Variants in DSCAM observed in about 807,000 individuals in gnomAD.
DSCAM encodes cell adhesion molecule DSCAM.
Under a neutral mutation model 217.7 loss-of-function variants are expected in DSCAM, and 47 were observed. That is an observed-to-expected ratio of 0.22 (90% CI 0.17 to 0.28). The LOEUF is 0.28. Among genes scored for constraint, DSCAM ranks in the 10% least tolerant of loss-of-function variants. The pLI, the probability that DSCAM is intolerant of heterozygous loss-of-function variation, is 1.00. For missense variants in DSCAM, 2,080 were observed against 2,618.3 expected, an observed-to-expected ratio of 0.79 and a Z score of 4.49; for synonymous variants, 1,056 against 1,015.3, an observed-to-expected ratio of 1.04 and a Z score of -0.76.
At chr21:40,576,327 C>T (rs2076850219) in intron 3 of DSCAM, among the ~76,000 whole-genome samples, 1 of 152,228 alleles carries the variant, frequency 6.6e-6, no homozygotes, top group Non-Finnish European at 1.5e-5. Context: ...ATACATACCA[C>T]TTGCTTCTAT....
At chr21:40,290,885 G>A (rs2073883615) in intron 10 of DSCAM, among the ~76,000 whole-genome samples, 2 of 152,210 alleles carry the variant, frequency 1.3e-5, no homozygotes, top group South Asian at 4.1e-4. Flanking sequence ...ACTGGCAATT[G>A]CAAAAGTTGG....
chr21:40,055,681 C>G (rs1023545206), intron 29 of DSCAM, 44 bp downstream of exon 29: 3 of 1,480,538 alleles, frequency 2.0e-6, no homozygotes, highest in Non-Finnish European at 2.8e-6. Flanking sequence ...GAAGGCATGG[C>G]TGTGGCAGCC....
At chr21:40,354,993 T>C (rs1489726309) in intron 4 of DSCAM, among the ~76,000 whole-genome samples, 5 of 152,172 alleles carry the variant, frequency 3.3e-5, no homozygotes, top group African/African-American at 1.2e-4. Context: ...TATGTTTTGA[T>C]CCCTCAGTGT....
chr21:40,674,067 T>C (rs903874658), intron 3 of DSCAM, among the ~76,000 whole-genome samples: 3 of 152,222 alleles, frequency 2.0e-5, no homozygotes, highest in Non-Finnish European at 4.4e-5. Flanking sequence ...TGGGTTGCTA[T>C]TGCTTAATGT....
At chr21:40,816,363 G>A (rs189382298) in intron 1 of DSCAM, among the ~76,000 whole-genome samples, 21 of 152,212 alleles carry the variant, frequency 1.4e-4, no homozygotes, top group Admixed American at 1.3e-3. Context: ...GGCTGATCAC[G>A]AGGTCAGGAG....
At position 40,620,434 on chromosome 21, in the gene DSCAM, G is replaced by A. The variant is rs2089495020; in HGVS notation, c.508+72376C>T. Among the ~76,000 whole-genome samples the A allele has an allele frequency of 3.7e-5, 5 of 135,448 alleles. No individual in the cohort carries two copies. The South Asian group carries it at 1.1e-3, about 30-fold the overall frequency. The allele number at this position is 135,448 out of a possible 152,430, so 88.9% of individuals were successfully genotyped here. ...GAGGGAGGGAGAGAAGAGGGAGGGG[G>A]AAGGGAGGGAAAGGAAAGGAAAAGA... On this transcript the variant is annotated intron_variant, in intron 3 of 32. Coordinates refer to ENST00000400454, the MANE Select transcript of DSCAM (RefSeq NM_001389.5).
intron 3 of DSCAM, among the ~76,000 whole-genome samples, chr21:40,410,204 T>C (rs951634395): frequency 6.6e-6 from 1 of 152,044 alleles, no homozygotes; most frequent in Non-Finnish European, 1.5e-5. Context: ...AAATTTAATA[T>C]CTGAAATGAA....
At chr21:40,424,688 A>G (rs951084024) in intron 3 of DSCAM, among the ~76,000 whole-genome samples, 2 of 152,210 alleles carry the variant, frequency 1.3e-5, no homozygotes, top group African/African-American at 4.8e-5. Flanking sequence ...GAATATAATC[A>G]AAGGTTCAAC....
intron 11 of DSCAM, among the ~76,000 whole-genome samples, chr21:40,191,387 T>C (rs2090951171): frequency 6.6e-6 from 1 of 152,188 alleles, no homozygotes; most frequent in Non-Finnish European, 1.5e-5. Flanking sequence ...TCAAGGACAG[T>C]TGCTCACAAC....
intron 1 of DSCAM, among the ~76,000 whole-genome samples, chr21:40,804,925 C>A (rs1161103127): frequency 6.6e-6 from 1 of 152,156 alleles, no homozygotes; most frequent in Non-Finnish European, 1.5e-5. Context: ...CATGATCACA[C>A]CTGCACTTAA....
intron 14 of DSCAM, among the ~76,000 whole-genome samples, chr21:40,186,905 G>A (rs1489337299): frequency 6.6e-6 from 1 of 152,182 alleles, no homozygotes; most frequent in African/African-American, 2.4e-5. Flanking sequence ...CAAGACTGAA[G>A]TCTGGGCTGG....
intron 11 of DSCAM, among the ~76,000 whole-genome samples, chr21:40,262,052 G>T (rs56688733): frequency 2.7e-5 from 4 of 150,428 alleles, no homozygotes; most frequent in African/African-American, 7.3e-5. Context: ...TCTCCCTCTC[G>T]CTTTCTTTCT....
intron 11 of DSCAM, among the ~76,000 whole-genome samples, chr21:40,244,359 G>A (rs1156607103): frequency 1.3e-5 from 2 of 151,620 alleles, no homozygotes; most frequent in Admixed American, 6.6e-5. Flanking sequence ...GCTGAGGCAG[G>A]AGAATCGCTT....
chr21:40,572,085 G>GTGTGT (rs2076811251), intron 3 of DSCAM, among the ~76,000 whole-genome samples: 2 of 148,524 alleles, frequency 1.3e-5, no homozygotes, highest in East Asian at 4.0e-4. Context: ...TGTGTGTGTG[G>GTGTGT]GTGTGTGTGT....
rs2075268294 is a variant in DSCAM, at chr21:40,405,000, AT to A, written c.509-35756del. ...CTTTTAATTTGCTTCAGTACAAAAT[AT>A]GTATTATTCAAGTTGAGCTATTTTG... is the stretch of plus-strand genomic sequence containing the variant. On this transcript the variant is annotated intron_variant, in intron 3 of 32. Transcript: ENST00000400454. Among the ~76,000 whole-genome samples the A allele has an allele frequency of 5.3e-5, 8 of 152,334 alleles. No individual in the cohort carries two copies. In the South Asian group the frequency reaches 1.7e-3, roughly 32 times the overall value.
In DSCAM at chr21:40,338,155, C is replaced by T. The variant is rs751775352; in HGVS notation, c.1729G>A (p.Val577Met). 1.2e-6 allele frequency: 2 copies of T among 1,614,146 alleles called. No homozygotes were observed. The highest frequency in any genetic ancestry group is 1.7e-5 in the Admixed American group (1 of 60,014). ...EVDEGEYTCN[V>M]LVQPQLSTSQ... ...GTGGAGAGTTGTGGTTGAACCAACA[C>T]GTTGCACGTGTACTCCCCCTCGTCC... is the stretch of plus-strand genomic sequence containing the variant. The change falls in exon 8 of 33, where the codon GTG (valine) becomes ATG (methionine). Residue 577 changes from valine (V) to methionine (M), a missense_variant. Coordinates refer to ENST00000400454, the MANE Select transcript of DSCAM (RefSeq NM_001389.5).
At chr21:40,598,904 G>A (rs1034090159) in intron 3 of DSCAM, among the ~76,000 whole-genome samples, 1 of 152,144 alleles carries the variant, frequency 6.6e-6, no homozygotes, top group Non-Finnish European at 1.5e-5. Context: ...AGTAGCTATA[G>A]AGTAGTATCT....
At chr21:40,185,536 C>A (rs1019083308) in intron 14 of DSCAM, among the ~76,000 whole-genome samples, 1 of 152,182 alleles carries the variant, frequency 6.6e-6, no homozygotes, top group East Asian at 1.9e-4. Flanking sequence ...TGCTCCCGCA[C>A]CAACAGCATG....
intron 11 of DSCAM, among the ~76,000 whole-genome samples, chr21:40,252,765 C>A (rs2073321972): frequency 6.6e-6 from 1 of 152,076 alleles, no homozygotes; most frequent in Non-Finnish European, 1.5e-5. Context: ...ACTATGGGAA[C>A]CAGATTCCCA....
Sources: gnomAD v4.1 joint callset for allele counts (sites outside exome capture counted in the v4.1 genomes callset) on GRCh38, gnomAD v4.1.1 for gene constraint, MANE v1.5 for transcripts, NCBI Gene and HGNC (gene_info 2026-07-23, HGNC 2026-07-21) for gene names.